Variants in PRCP observed in about 807,000 individuals in gnomAD.
The protein encoded by PRCP is lysosomal Pro-X carboxypeptidase.
Under a neutral mutation model 54.2 loss-of-function variants are expected in PRCP, and 46 were observed. That is an observed-to-expected ratio of 0.85 (90% confidence interval 0.67 to 1.09). PRCP has a LOEUF of 1.09. Ranked by LOEUF, PRCP falls within the 50% of genes least tolerant of loss-of-function variation. The pLI is 0.00. For missense variants in PRCP, 613 were observed against 596.8 expected (o/e 1.03, Z -0.28); for synonymous variants, 240 against 212.2 (o/e 1.13, Z -1.14).
intron 1 of PRCP, among the ~76,000 whole-genome samples, chr11:82,869,028 T>C (rs373199288): frequency 2.0e-5 from 3 of 151,694 alleles, no homozygotes; most frequent in East Asian, 3.9e-4. Flanking sequence ...AGAGCAAGAC[T>C]CTGTCTCAAA....
chr11:82,839,249 A>G lies in PRCP; in HGVS notation c.1086+12T>C, dbSNP rs764604591. On this transcript the variant is annotated intron_variant, in intron 7 of 8. Coordinates refer to ENST00000313010, the MANE Select transcript of PRCP (RefSeq NM_005040.4). Reference sequence around the variant, plus strand: ...AAAGTAAGTTCCACTTGGGGAAATTATACATATTTACCTGATAGCTCCAAC... The same window carrying G: ...AAAGTAAGTTCCACTTGGGGAAATTGTACATATTTACCTGATAGCTCCAAC... The G allele has an allele frequency of 1.2e-6, 2 of 1,600,512 alleles. No homozygotes were observed. The highest frequency in any genetic ancestry group is 2.3e-5 in the South Asian group (2 of 88,114).
chr11:82,899,945 G>C, intron 1 of PRCP: 1 of 396,570 alleles, frequency 2.5e-6, no homozygotes, highest in Non-Finnish European at 4.6e-6. Flanking sequence ...GTTCGGATTG[G>C]GGCACCCTCT....
chr11:82,898,451 T>C (rs1395991690), intron 1 of PRCP, among the ~76,000 whole-genome samples: 2 of 152,224 alleles, frequency 1.3e-5, no homozygotes, highest in Non-Finnish European at 2.9e-5. Context: ...TCAATCCCAA[T>C]GGGATTTTAG....
intron 2 of PRCP, among the ~76,000 whole-genome samples, chr11:82,855,130 T>G (rs1456770554): frequency 1.3e-5 from 2 of 152,046 alleles, no homozygotes; most frequent in Non-Finnish European, 2.9e-5. Flanking sequence ...GGCAAAGAAT[T>G]TATGACTAAG....
intron 8 of PRCP, chr11:82,831,465 T>A (rs1210976344): frequency 1.3e-5 from 2 of 152,252 alleles, no homozygotes; most frequent in African/African-American, 4.8e-5. Context: ...ATAACCCTGT[T>A]AGGTACTCAT....
intron 6 of PRCP, among the ~76,000 whole-genome samples, chr11:82,846,576 T>C (rs1858814048): frequency 6.6e-6 from 1 of 152,150 alleles, no homozygotes; most frequent in Admixed American, 6.5e-5. Context: ...TGACAAGAAT[T>C]AATCCTGGAT....
intron 2 of PRCP, among the ~76,000 whole-genome samples, chr11:82,856,901 T>G (rs905368759): frequency 6.6e-6 from 1 of 151,838 alleles, no homozygotes; most frequent in African/African-American, 2.4e-5. Context: ...CCGGGCGTGG[T>G]GGCAGGCGCC....
rs1302542894 is a variant in PRCP at position 82,889,410 on chromosome 11, A to C, written c.168+10825T>G. 2.0e-5 allele frequency among the ~76,000 whole-genome samples: 3 copies of C among 151,392 alleles called. No homozygotes were observed. In the East Asian group the frequency reaches 5.9e-4, roughly 30 times the overall value. ...AAAAAGAGGAAGAAGAAGAAGGAGAAGGAGGAGGGATGGAGGAAGGAGGGG... is the reference window on the plus strand; with the variant it reads ...AAAAAGAGGAAGAAGAAGAAGGAGACGGAGGAGGGATGGAGGAAGGAGGGG... On this transcript the variant is annotated intron_variant, in intron 1 of 8. Transcript: ENST00000313010.
intron 2 of PRCP, 75 bp from the exon 3 acceptor site, chr11:82,853,353 A>G: frequency 8.5e-7 from 1 of 1,182,932 alleles, no homozygotes; most frequent in Non-Finnish European, 1.2e-6. Context: ...GGCAAACCAT[A>G]TGGAATAGAT....
intron 1 of PRCP, among the ~76,000 whole-genome samples, chr11:82,895,038 T>C (rs966505313): frequency 3.9e-5 from 6 of 152,194 alleles, no homozygotes; most frequent in African/African-American, 1.4e-4. Flanking sequence ...TTTAATCCTA[T>C]TGATTTTAAA....
chr11:82,892,013 T>C (rs532362984), intron 1 of PRCP, among the ~76,000 whole-genome samples: 1 of 152,342 alleles, frequency 6.6e-6, no homozygotes, highest in East Asian at 1.9e-4. Context: ...TCCTTTGATA[T>C]TTGTGAACTT....
chr11:82,841,288 C>G (rs1334514476), intron 6 of PRCP, among the ~76,000 whole-genome samples: 1 of 149,030 alleles, frequency 6.7e-6, no homozygotes, highest in African/African-American at 2.5e-5. Flanking sequence ...AAAAGGAAAA[C>G]TGTAAAAGAG....
At chr11:82,897,191 C>G (rs981599559) in intron 1 of PRCP, among the ~76,000 whole-genome samples, 2 of 152,026 alleles carry the variant, frequency 1.3e-5, no homozygotes, top group African/African-American at 4.8e-5. Context: ...TCAGTTATTT[C>G]AGGTAAAAGA....
At chr11:82,893,870 G>A (rs1274591311) in intron 1 of PRCP, among the ~76,000 whole-genome samples, 1 of 152,006 alleles carries the variant, frequency 6.6e-6, no homozygotes, top group East Asian at 1.9e-4. Flanking sequence ...ACAGTAATAG[G>A]GATTAATTAA....
chr11:82,901,222 C>T (rs1860285750), upstream of PRCP, among the ~76,000 whole-genome samples: 1 of 152,174 alleles, frequency 6.6e-6, no homozygotes, highest in African/African-American at 2.4e-5. Flanking sequence ...ACAGGTCGCC[C>T]CGGGTCCACA....
intron 6 of PRCP, chr11:82,840,150 A>G (rs1858626841): frequency 6.6e-6 from 1 of 152,104 alleles, no homozygotes; most frequent in Non-Finnish European, 1.5e-5. Flanking sequence ...GCAACTCCCC[A>G]GCTCCCAAAT....
intron 1 of PRCP, among the ~76,000 whole-genome samples, chr11:82,864,032 A>G (rs1859273607): frequency 1.3e-5 from 2 of 152,258 alleles, no homozygotes; most frequent in South Asian, 4.1e-4. Context: ...CTGTGAGGAT[A>G]GGGAAAATGC....
chr11:82,896,665 C>T (rs1262816744), intron 1 of PRCP, among the ~76,000 whole-genome samples: 2 of 118,024 alleles, frequency 1.7e-5, no homozygotes, highest in African/African-American at 3.3e-5. Context: ...GGCAACAGAG[C>T]GAGACTCCAA....
At chr11:82,858,763 CG>C (rs1298340111) in intron 2 of PRCP, 2 of 152,136 alleles carry the variant, frequency 1.3e-5, no homozygotes, top group East Asian at 3.9e-4. Flanking sequence ...AATAACAGAA[CG>C]GGAATCTGAT....
Sources: allele counts gnomAD v4.1 joint callset (sites outside exome capture counted in the v4.1 genomes callset), GRCh38; gene constraint gnomAD v4.1.1; transcripts MANE v1.5; gene names NCBI Gene and HGNC (gene_info 2026-07-23, HGNC 2026-07-21).